The following MRPS11 variants were observed in gnomAD, a reference collection of about 807,000 sequenced individuals.
The protein encoded by MRPS11 is small ribosomal subunit protein uS11m.
In MRPS11, 27 loss-of-function variants were observed where a neutral mutation model predicts 24.3. The ratio of observed to expected loss-of-function variants is 1.11; its 90% CI spans 0.82 to 1.53. MRPS11 has a LOEUF of 1.53. MRPS11 is among the 40% of genes most tolerant of loss of function. The pLI is 0.00. For synonymous variants in MRPS11, 104 were observed against 98.7 expected (o/e 1.05, Z -0.32); for missense variants, 277 against 256.5 (o/e 1.08, Z -0.55).
intron 3 of MRPS11, among the ~76,000 whole-genome samples, chr15:88,473,897 G>A (rs939892713): frequency 2.0e-5 from 3 of 152,232 alleles, no homozygotes; most frequent in African/African-American, 7.2e-5. Context: ...AGATGATTAA[G>A]AAAAAGTTGT....
chr15:88,472,546 T>C, intron 2 of MRPS11, 81 bp from the exon 3 acceptor site: 1 of 1,223,798 alleles, frequency 8.2e-7, no homozygotes, highest in Non-Finnish European at 1.2e-6. Context: ...ACAGAGCTGT[T>C]ATTTTTTAAC....
At position 88,472,500 on chromosome 15, in the gene MRPS11, A is replaced by G. The variant is rs548412246; in HGVS notation, c.183-127A>G. 236 of 687,176 alleles carry G rather than the reference A, an allele frequency of 3.4e-4. 8 individuals carry two copies. In the South Asian group the frequency reaches 3.8e-3, roughly 11 times the overall value. The allele number at this position is 687,176 out of a possible 1,614,324, so 42.6% of individuals were successfully genotyped here. ...GTGGCACCAGAAGGACTGAAAAGGA[A>G]TGGTGGGGGCAGCCACTTAAGAAGC... On this transcript the variant is annotated intron_variant, in intron 2 of 5. Coordinates refer to ENST00000325844, the MANE Select transcript of MRPS11 (RefSeq NM_022839.5).
Position 88,478,328 on chromosome 15 carries a change from T to A in MRPS11, c.*349T>A, listed in dbSNP as rs2055866516. On this transcript the variant is annotated 3_prime_UTR_variant, in exon 6 of 6. Transcript: ENST00000325844. This position sits in a 1 kb window ranked among gnomAD's most constrained non-coding sequence, Gnocchi z 4.7. ...CTAATTCCTCTTGAAAAAGAGAGTGTGAAATGAGGTGAGGCCTCAGATGAA... is the reference window on the plus strand; with the variant it reads ...CTAATTCCTCTTGAAAAAGAGAGTGAGAAATGAGGTGAGGCCTCAGATGAA... 3.8e-6 allele frequency: 1 copy of A among 265,526 alleles called. No individual in the cohort carries two copies. The highest frequency in any genetic ancestry group is 5.0e-5 in the Admixed American group (1 of 20,118). The allele number at this position is 265,526 out of a possible 1,614,324, so 16.4% of individuals were successfully genotyped here. A position where few individuals can be genotyped will look rare whatever the true frequency, so the allele number is the denominator to read the frequency against.
Position 88,478,924 on chromosome 15 carries a change from G to C in MRPS11, c.*945G>C, listed in dbSNP as rs1313637544. The C allele has an allele frequency of 6.6e-6, 1 of 152,094 alleles. No individual in the cohort carries two copies. The highest frequency in any genetic ancestry group is 2.4e-5 in the African/African-American group (1 of 41,388). The allele number at this position is 152,094 out of a possible 1,614,324, so 9.4% of individuals were successfully genotyped here. ...AAATCGCTTGAACCCAGGAGGTGGA[G>C]GCTGCAGTGAGCTGAGATCATCCTA... is the stretch of plus-strand genomic sequence containing the variant. On this transcript the variant is annotated 3_prime_UTR_variant, in exon 6 of 6. Coordinates refer to ENST00000325844, the MANE Select transcript of MRPS11 (RefSeq NM_022839.5). This position sits in a 1 kb window ranked among gnomAD's most constrained non-coding sequence, Gnocchi z 4.7.
Position 88,475,159 on chromosome 15 carries a change from T to TC in MRPS11, c.333dup (p.Cys112LeufsTer29), listed in dbSNP as rs762661780. 6.2e-7 allele frequency: 1 copy of TC among 1,614,248 alleles called. No individual in the cohort carries two copies. Among genetic ancestry groups the TC allele is most frequent in the Non-Finnish European group, 8.5e-7 (1 of 1,180,042 alleles). On this transcript the variant is annotated frameshift_variant, in exon 4 of 6. Coordinates refer to ENST00000325844, the MANE Select transcript of MRPS11 (RefSeq NM_022839.5). LOFTEE classifies it high-confidence loss of function. The surrounding 1 kb of genome is among the most constrained non-coding windows in gnomAD (Gnocchi z 4.1). ...TAGTAATGAGCCCCTTGCCTTTGCT[T>TC]CCTGTGGCACAGAGGGATTTCGGAA...
rs574685922 is a variant in MRPS11 at position 88,479,491 on chromosome 15, G to T, written c.*1512G>T. ...CCCCCTTAAATAGGCAAGAGGCTGT[G>T]TTAGGACAAAGAAAGGAGGAAGATC... On this transcript the variant is annotated 3_prime_UTR_variant, in exon 6 of 6. Coordinates refer to ENST00000325844, the MANE Select transcript of MRPS11 (RefSeq NM_022839.5). The T allele has an allele frequency of 6.6e-6, 1 of 152,248 alleles. No individual in the cohort carries two copies. The highest frequency in any genetic ancestry group is 1.5e-5 in the Non-Finnish European group (1 of 68,072). 9.4% of individuals were successfully genotyped at this position (152,248 alleles called of 1,614,324 possible). A position where few individuals can be genotyped will look rare whatever the true frequency, so the allele number is the denominator to read the frequency against.
chr15:88,476,395 A>T (rs890625355), intron 4 of MRPS11, among the ~76,000 whole-genome samples: 2 of 152,190 alleles, frequency 1.3e-5, no homozygotes, highest in African/African-American at 4.8e-5. Context: ...ACCTTCAAAC[A>T]AGGGAAGGCA....
rs2055812111 is a variant in MRPS11 at position 88,475,896 on chromosome 15, G to T, written c.411+657G>T. Among the ~76,000 whole-genome samples the T allele has an allele frequency of 6.6e-6, 1 of 152,136 alleles. No homozygotes were observed. On this transcript the variant is annotated intron_variant, in intron 4 of 5. Coordinates refer to ENST00000325844, the MANE Select transcript of MRPS11 (RefSeq NM_022839.5). This position sits in a 1 kb window ranked among gnomAD's most constrained non-coding sequence, Gnocchi z 4.1. ...CACTTGAACCCAGGAGGTGGAGGTT[G>T]CAGTGACTCGAGATCACACCACTGC... is the stretch of plus-strand genomic sequence containing the variant.
At chr15:88,472,904 C>G (rs907039197) in intron 3 of MRPS11, among the ~76,000 whole-genome samples, 179 bp downstream of exon 3, 5 of 152,164 alleles carry the variant, frequency 3.3e-5, no homozygotes, top group African/African-American at 1.2e-4. Flanking sequence ...CCATCTTACA[C>G]AAGTTTCATA....
Position 88,477,964 on chromosome 15 carries a change from G to C in MRPS11, c.570G>C (p.Lys190Asn). Reference protein sequence around the residue: ...PIPHNGCRPRKARKL With the variant: ...PIPHNGCRPRNARKL ...CACACAACGGCTGCCGCCCCAGGAA[G>C]GCTCGGAAGCTGTGATGGGAAGGAG... Residue 190 changes from lysine to asparagine, a missense_variant, in exon 6 of 6, where the codon AAG (lysine) becomes AAC (asparagine). Lys to Asn is a moderately conservative substitution (Grantham distance 94, BLOSUM62 0). Coordinates refer to ENST00000325844, the MANE Select transcript of MRPS11 (RefSeq NM_022839.5). This position sits in a 1 kb window ranked among gnomAD's most constrained non-coding sequence, Gnocchi z 5.7. 1 of 1,614,188 alleles carries C rather than the reference G, an allele frequency of 6.2e-7. No homozygotes were observed.
rs2055887282 is a variant in MRPS11 at position 88,479,346 on chromosome 15, C to G, written c.*1367C>G. 6.6e-6 allele frequency: 1 copy of G among 152,288 alleles called. No homozygotes were observed. The highest frequency in any genetic ancestry group is 1.5e-5 in the Non-Finnish European group (1 of 68,100). 9.4% of individuals were successfully genotyped at this position (152,288 alleles called of 1,614,324 possible). On this transcript the variant is annotated 3_prime_UTR_variant, in exon 6 of 6. Transcript: ENST00000325844. Reference sequence around the variant, plus strand: ...AAGTACACAAAAGCACTGTTCCTCCCAGATGAGTGCAGGAAGGGCTGCTGA... The same window carrying G: ...AAGTACACAAAAGCACTGTTCCTCCGAGATGAGTGCAGGAAGGGCTGCTGA...
At chr15:88,470,614 T>G (rs1260556271) in intron 2 of MRPS11, among the ~76,000 whole-genome samples, 5 of 152,208 alleles carry the variant, frequency 3.3e-5, no homozygotes, top group Admixed American at 2.0e-4. Context: ...AGATCAGCTG[T>G]GTCAAATGCT....
chr15:88,475,100 C>T lies in MRPS11; in HGVS notation c.282-10C>T. The T allele has an allele frequency of 6.2e-7, 1 of 1,614,050 alleles. No homozygotes were observed. Among genetic ancestry groups the T allele is most frequent in the African/African-American group, 1.3e-5 (1 of 75,056 alleles). On this transcript the variant is annotated splice_polypyrimidine_tract_variant and intron_variant, in intron 3 of 5. Coordinates refer to ENST00000325844, the MANE Select transcript of MRPS11 (RefSeq NM_022839.5). This position sits in a 1 kb window ranked among gnomAD's most constrained non-coding sequence, Gnocchi z 4.1. ...AGTTGTATCCTATGTGCTTCTTCTA[C>T]TTTTCTCAGCACACAGATCCAGGTA...
chr15:88,468,505 C>T, intron 2 of MRPS11: 1 of 990,580 alleles, frequency 1.0e-6, no homozygotes. Context: ...TACACATCCA[C>T]TTAACTTCAC....
chr15:88,467,763 ACTTGG>A lies in MRPS11; in HGVS notation c.48_52del (p.Trp17ProfsTer32). 6.2e-7 allele frequency: 1 copy of A among 1,614,052 alleles called. No homozygotes were observed. Among genetic ancestry groups the A allele is most frequent in the Non-Finnish European group, 8.5e-7 (1 of 1,180,016 alleles). On this transcript the variant is annotated frameshift_variant, in exon 1 of 6. Coordinates refer to ENST00000325844, the MANE Select transcript of MRPS11 (RefSeq NM_022839.5). LOFTEE classifies it high-confidence loss of function. ...GGGGTCGCGGTTCCTGCGGTCCTGG[ACTTGG>A]CCCCAGACAGCCGGGTAACAAATGA...
chr15:88,469,723 A>G lies in MRPS11; in HGVS notation c.182+1699A>G, dbSNP rs940855647. ...GGAAGCTGGGAAAAGTCCTCTAAGC[A>G]GTTAGAAGACTATTGAAATAATCCA... On this transcript the variant is annotated intron_variant, in intron 2 of 5. Transcript: ENST00000325844. The surrounding 1 kb of genome is among the most constrained non-coding windows in gnomAD (Gnocchi z 4.4). Among the ~76,000 whole-genome samples, 1 of 152,248 alleles carries G rather than the reference A, an allele frequency of 6.6e-6. No homozygotes were observed. The highest frequency in any genetic ancestry group is 1.5e-5 in the Non-Finnish European group (1 of 68,048).
Position 88,468,216 on chromosome 15 carries a change from TG to T in MRPS11, c.182+193del, listed in dbSNP as rs2055595938. The T allele has an allele frequency of 1.9e-5, 27 of 1,431,264 alleles. No individual in the cohort carries two copies. In the South Asian group the frequency reaches 3.1e-4, roughly 17 times the overall value. 88.7% of individuals were successfully genotyped at this position (1,431,264 alleles called of 1,614,324 possible). ...GCTGAGAGAGGTTGTGAGAATCAGA[TG>T]AGCCGTGGTACAGAGTAAATGTTCA... On this transcript the variant is annotated intron_variant, in intron 2 of 5. Coordinates refer to ENST00000325844, the MANE Select transcript of MRPS11 (RefSeq NM_022839.5).
In MRPS11 at chr15:88,472,597, T is replaced by C. The variant is rs1002704455; in HGVS notation, c.183-30T>C. 5.1e-6 allele frequency: 8 copies of C among 1,574,836 alleles called. No homozygotes were observed. In the African/African-American group the frequency reaches 8.1e-5, roughly 16 times the overall value. On this transcript the variant is annotated intron_variant, in intron 2 of 5. Transcript: ENST00000325844. The stretch of plus-strand genomic sequence containing the variant: ...TTTGATTTTTAAAAAGTCGAGACAA[T>C]TTTAAATAAAATCTTTCTTCTAATT...
intron 2 of MRPS11, among the ~76,000 whole-genome samples, chr15:88,470,784 A>C (rs941846437): frequency 6.6e-6 from 1 of 152,250 alleles, no homozygotes; most frequent in African/African-American, 2.4e-5. Flanking sequence ...AGAAACAGCA[A>C]GTATAGTCAG....
Sources: gnomAD v4.1 joint callset for allele counts (sites outside exome capture counted in the v4.1 genomes callset) on GRCh38, gnomAD v4.1.1 for gene constraint, Gnocchi (gnomAD v3.1) non-coding constraint, MANE v1.5 for transcripts, NCBI Gene and HGNC (gene_info 2026-07-23, HGNC 2026-07-21) for gene names.